COL15A1: variants seen among roughly 807,000 people sequenced by gnomAD.
COL15A1 encodes the protein collagen type XV alpha 1 chain, also known as collagen alpha-1(XV) chain.
A neutral mutation model predicts 165.9 loss-of-function variants in COL15A1; 111 were observed. The ratio of observed to expected loss-of-function variants is 0.67; its 90% CI spans 0.57 to 0.78. The LOEUF (loss-of-function observed/expected upper bound fraction) is 0.78. COL15A1 is among the 30% of genes least tolerant of loss of function. The pLI, the probability that COL15A1 is intolerant of heterozygous loss-of-function variation, is 0.00. For synonymous variants in COL15A1, 659 were observed against 674.8 expected, an observed-to-expected ratio of 0.98 and a Z score of 0.36; for missense variants, 1,745 against 1,789.7, an observed-to-expected ratio of 0.98 and a Z score of 0.45.
At chr9:99,038,108 G>T (rs898441504) in intron 21 of COL15A1, among the ~76,000 whole-genome samples, 1 of 150,668 alleles carries the variant, frequency 6.6e-6, no homozygotes, top group African/African-American at 2.4e-5. Context: ...ACTAAAGTTA[G>T]AAGAAAAAAA....
chr9:99,049,724 C>G lies in COL15A1; in HGVS notation c.2828C>G (p.Pro943Arg). Residue 943 changes from proline to arginine, a missense_variant, in exon 29 of 42, where the codon CCT becomes CGT. By Grantham distance (103) the Pro-to-Arg change is moderately radical. Coordinates refer to ENST00000375001, the MANE Select transcript of COL15A1 (RefSeq NM_001855.5). ...PPGLPGPPGP[P>R]GPPGAVINIK... is the part of the protein sequence containing the mutation. ...GGCTTACCTGGCCCTCCAGGCCCCC[C>G]TGGGCCACCTGGAGCTGTGATTAAC... 6.2e-7 allele frequency: 1 copy of G among 1,614,072 alleles called. No homozygotes were observed. Among genetic ancestry groups the G allele is most frequent in the South Asian group, 1.1e-5 (1 of 91,076 alleles).
At chr9:99,057,284 G>T (rs1588537372) in intron 35 of COL15A1, among the ~76,000 whole-genome samples, 1 of 152,240 alleles carries the variant, frequency 6.6e-6, no homozygotes, top group East Asian at 1.9e-4. Context: ...GTTTTGGTTT[G>T]CATTTCCCTA....
rs1588504197 is a variant in COL15A1, at chr9:98,989,359, C to T, written c.804+101C>T. On this transcript the variant is annotated intron_variant, in intron 5 of 41. Coordinates refer to ENST00000375001, the MANE Select transcript of COL15A1 (RefSeq NM_001855.5). The stretch of plus-strand genomic sequence containing the variant: ...GTCCTGGGTCTGACCTCTTTGTTTC[C>T]AGACCTGTGAGCTTAATCGTTGACT... The T allele has an allele frequency of 6.4e-6, 6 of 931,220 alleles. No homozygotes were observed. The East Asian group carries it at 1.3e-4, about 20-fold the overall frequency. The allele number at this position is 931,220 out of a possible 1,614,324, so 57.7% of individuals were successfully genotyped here.
chr9:98,989,660 G>A lies in COL15A1; in HGVS notation c.804+402G>A, dbSNP rs140155122. On this transcript the variant is annotated intron_variant, in intron 5 of 41. Transcript: ENST00000375001. ...TTCCAGGGTTAGATGATGAAGTGCA[G>A]GGACAAGCCTCAGCCCAGCATCTGG... Among the ~76,000 whole-genome samples, 29 of 152,310 alleles carry A rather than the reference G, an allele frequency of 1.9e-4. No homozygotes were observed. In the East Asian group the frequency reaches 5.6e-3, roughly 29 times the overall value.
At chr9:98,953,996 A>C (rs1019249165) in intron 2 of COL15A1, among the ~76,000 whole-genome samples, 1 of 152,232 alleles carries the variant, frequency 6.6e-6, no homozygotes, top group African/African-American at 2.4e-5. Context: ...AGGTGGCAGG[A>C]TGGCTGAAGA....
chr9:98,999,812 G>T (rs1019912165), intron 6 of COL15A1, among the ~76,000 whole-genome samples: 11 of 148,884 alleles, frequency 7.4e-5, no homozygotes, highest in Admixed American at 3.3e-4. Flanking sequence ...GAGCCACCAT[G>T]CCCGGCCAAT....
At chr9:98,964,735 G>A (rs962809136) in intron 2 of COL15A1, among the ~76,000 whole-genome samples, 1 of 152,122 alleles carries the variant, frequency 6.6e-6, no homozygotes, top group Non-Finnish European at 1.5e-5. Context: ...TCTTACAGTG[G>A]GGGGAATACA....
intron 2 of COL15A1, among the ~76,000 whole-genome samples, chr9:98,953,647 C>T (rs756463896): frequency 4.5e-4 from 69 of 152,298 alleles, no homozygotes; most frequent in Admixed American, 8.5e-4. Context: ...ATTCTGAGGG[C>T]CCTGGTATCT....
chr9:99,066,521 C>T (rs760872243), intron 39 of COL15A1, among the ~76,000 whole-genome samples: 3 of 150,416 alleles, frequency 2.0e-5, no homozygotes, highest in Non-Finnish European at 4.4e-5. Context: ...CCAGAGGTCT[C>T]AAACTTATGG....
intron 2 of COL15A1, among the ~76,000 whole-genome samples, chr9:98,967,952 C>T (rs1416669623): frequency 2.0e-5 from 3 of 152,188 alleles, no homozygotes; most frequent in Admixed American, 6.5e-5. Context: ...GAGTAGGTCT[C>T]GAGAATCTGC....
chr9:98,989,574 T>C (rs970421470), intron 5 of COL15A1, among the ~76,000 whole-genome samples: 2 of 152,172 alleles, frequency 1.3e-5, no homozygotes, highest in African/African-American at 4.8e-5. Flanking sequence ...ACTCAACCAT[T>C]CTGAACCTCA....
intron 9 of COL15A1, among the ~76,000 whole-genome samples, chr9:99,007,151 C>G (rs981851430): frequency 6.6e-6 from 1 of 152,202 alleles, no homozygotes; most frequent in Admixed American, 6.5e-5. Context: ...TTTCAAGTTT[C>G]TGATTAGCCT....
chr9:99,058,922 TAA>T (rs1327918244), intron 35 of COL15A1, among the ~76,000 whole-genome samples: 1 of 152,078 alleles, frequency 6.6e-6, no homozygotes, highest in African/African-American at 2.4e-5. Flanking sequence ...CTGGGGCTTG[TAA>T]AAACACCCTT....
chr9:99,060,655 G>A (rs1389162538), intron 36 of COL15A1, among the ~76,000 whole-genome samples: 1 of 152,106 alleles, frequency 6.6e-6, no homozygotes, highest in Non-Finnish European at 1.5e-5. Flanking sequence ...AGAGGCTGAA[G>A]CAGGAGAATC....
rs764537437 is a variant in COL15A1, at chr9:99,055,116, C to A, written c.3046C>A (p.Leu1016Ile). ...TTCTTTTTCAGGTCCTCCACTTGAT[C>A]TAGCTTACCTGAGACACTTTCTGAA... is the stretch of plus-strand genomic sequence containing the variant. ...AQGPPGPPLDLAYLRHFLNNL... is the reference protein window; with the variant it reads ...AQGPPGPPLDIAYLRHFLNNL... Residue 1016 changes from leucine (L) to isoleucine (I), a missense_variant, in exon 33 of 42, where the codon CTA becomes ATA. Transcript: ENST00000375001. The A allele has an allele frequency of 6.2e-7, 1 of 1,612,860 alleles. No homozygotes were observed. Among genetic ancestry groups the A allele is most frequent in the South Asian group, 1.1e-5 (1 of 91,040 alleles).
chr9:99,057,362 T>G (rs1825736665), intron 35 of COL15A1, among the ~76,000 whole-genome samples: 1 of 152,198 alleles, frequency 6.6e-6, no homozygotes. Flanking sequence ...GTCAATGCCT[T>G]AGGGGCGTGA....
intron 2 of COL15A1, among the ~76,000 whole-genome samples, chr9:98,971,094 T>A (rs2118837690): frequency 6.6e-6 from 1 of 152,280 alleles, no homozygotes; most frequent in East Asian, 1.9e-4. Flanking sequence ...TCCTCCTCCC[T>A]TTCTCATCCC....
intron 2 of COL15A1, among the ~76,000 whole-genome samples, chr9:98,979,232 G>A (rs1340755555): frequency 3.3e-5 from 5 of 152,134 alleles, no homozygotes; most frequent in African/African-American, 9.7e-5. Context: ...ATTCATAGAC[G>A]TATGACTGCT....
chr9:99,035,260 CCT>C, intron 18 of COL15A1, 88 bp from the exon 19 acceptor site: 1 of 1,600,888 alleles, frequency 6.2e-7, no homozygotes, highest in South Asian at 1.1e-5. Context: ...TGCGGATTCC[CCT>C]GTGAGCCGCC....
Sources: allele counts gnomAD v4.1 joint callset (sites outside exome capture counted in the v4.1 genomes callset), GRCh38; gene constraint gnomAD v4.1.1; transcripts MANE v1.5; gene names NCBI Gene and HGNC (gene_info 2026-07-23, HGNC 2026-07-21).